POU6F2: variants seen among roughly 807,000 people sequenced by gnomAD.
POU6F2 encodes POU domain, class 6, transcription factor 2.
Under a neutral mutation model 71.3 loss-of-function variants are expected in POU6F2, and 31 were observed. The ratio of observed to expected loss-of-function variants is 0.43; its 90% CI spans 0.33 to 0.59. The LOEUF (loss-of-function observed/expected upper bound fraction) is 0.59, where lower values mean the gene tolerates loss of function less well. Among genes scored for constraint, POU6F2 ranks in the 20% least tolerant of loss-of-function variants. POU6F2 has a pLI of 0.04. For missense variants in POU6F2, 783 were observed against 856.8 expected, an observed-to-expected ratio of 0.91 and a Z score of 1.07; for synonymous variants, 347 against 355.7, an observed-to-expected ratio of 0.98 and a Z score of 0.27.
intron 6 of POU6F2, among the ~76,000 whole-genome samples, chr7:39,416,458 A>G (rs185255410): frequency 1.8e-4 from 27 of 152,288 alleles, no homozygotes; most frequent in African/African-American, 6.3e-4. Flanking sequence ...TATCCCAGTG[A>G]ATCTTCTGTT....
chr7:39,082,482 G>T (rs1791140788), intron 1 of POU6F2, among the ~76,000 whole-genome samples: 1 of 152,146 alleles, frequency 6.6e-6, no homozygotes, highest in Non-Finnish European at 1.5e-5. Context: ...GTTTACCGCT[G>T]CAGAGATCCT....
At chr7:39,412,935 G>A (rs1787584223) in intron 6 of POU6F2, among the ~76,000 whole-genome samples, 1 of 150,150 alleles carries the variant, frequency 6.7e-6, no homozygotes, top group African/African-American at 2.4e-5. Context: ...CAAGTAGCTG[G>A]GACTACAGGT....
intron 1 of POU6F2, among the ~76,000 whole-genome samples, chr7:39,026,889 A>G (rs1789818319): frequency 6.6e-6 from 1 of 152,260 alleles, no homozygotes; most frequent in South Asian, 2.1e-4. Context: ...GCAGGGCAGT[A>G]AGAAGATGGA....
chr7:39,396,995 C>T lies in POU6F2; in HGVS notation c.973-9605C>T, dbSNP rs542590048. On this transcript the variant is annotated intron_variant, in intron 5 of 9. Transcript: ENST00000518318. ...AAGCCCTCAGCCCAGCCCAGCCCCACCCAATTCCAGGCAAAGAATTTCTAG... is the reference window on the plus strand; with the variant it reads ...AAGCCCTCAGCCCAGCCCAGCCCCATCCAATTCCAGGCAAAGAATTTCTAG... Among the ~76,000 whole-genome samples, 12 of 152,168 alleles carry T rather than the reference C, an allele frequency of 7.9e-5. No individual in the cohort carries two copies. In the South Asian group the frequency reaches 2.5e-3, roughly 32 times the overall value.
chr7:39,311,633 G>A (rs935827600), intron 4 of POU6F2, among the ~76,000 whole-genome samples: 2 of 152,156 alleles, frequency 1.3e-5, no homozygotes, highest in African/African-American at 4.8e-5. Context: ...CATTAGACCA[G>A]GCAGAAATAA....
At chr7:39,092,951 G>T (rs1454174684) in intron 2 of POU6F2, among the ~76,000 whole-genome samples, 1 of 151,940 alleles carries the variant, frequency 6.6e-6, no homozygotes, top group Non-Finnish European at 1.5e-5. Context: ...ACCTAACCAA[G>T]ATGCATACCC....
intron 2 of POU6F2, among the ~76,000 whole-genome samples, chr7:39,111,347 G>A (rs1048398655): frequency 4.6e-5 from 7 of 152,110 alleles, no homozygotes; most frequent in Non-Finnish European, 1.0e-4. Context: ...TTTCTTGAGA[G>A]AAATTGTTTA....
chr7:39,058,550 C>T (rs1373881994), intron 1 of POU6F2, among the ~76,000 whole-genome samples: 1 of 152,284 alleles, frequency 6.6e-6, no homozygotes, highest in South Asian at 2.1e-4. Context: ...TTCCATCACT[C>T]TGCATTCTTG....
At chr7:39,401,567 T>G (rs149502707) in intron 5 of POU6F2, among the ~76,000 whole-genome samples, 2 of 152,320 alleles carry the variant, frequency 1.3e-5, no homozygotes, top group African/African-American at 4.8e-5. Context: ...AGTACTGATT[T>G]GGTTAGAAGA....
At chr7:39,418,409 G>C (rs191615863) in intron 6 of POU6F2, among the ~76,000 whole-genome samples, 1 of 152,150 alleles carries the variant, frequency 6.6e-6, no homozygotes, top group Non-Finnish European at 1.5e-5. Context: ...AGTTAAACAG[G>C]TCAGGCACGG....
chr7:39,129,465 G>T (rs1463366184), intron 2 of POU6F2, among the ~76,000 whole-genome samples: 4 of 152,112 alleles, frequency 2.6e-5, no homozygotes, highest in Non-Finnish European at 5.9e-5. Context: ...CCAAAGCTTT[G>T]CCCTCAGCTT....
At chr7:39,035,370 G>A (rs928146484) in intron 1 of POU6F2, among the ~76,000 whole-genome samples, 2 of 152,088 alleles carry the variant, frequency 1.3e-5, no homozygotes, top group Non-Finnish European at 2.9e-5. Context: ...TATGCTGTAT[G>A]TCATTTAGGG....
intron 1 of POU6F2, among the ~76,000 whole-genome samples, chr7:39,025,245 T>G (rs947548081): frequency 6.6e-6 from 1 of 152,164 alleles, no homozygotes; most frequent in Non-Finnish European, 1.5e-5. Context: ...AGAGTGTATG[T>G]GTCAGGGAAT....
intron 1 of POU6F2, among the ~76,000 whole-genome samples, chr7:38,994,674 T>A (rs547784632): frequency 1.3e-5 from 2 of 152,216 alleles, no homozygotes; most frequent in East Asian, 3.9e-4. Context: ...TGGCTCTGTT[T>A]TGTTTTCCCC....
chr7:39,023,662 A>G (rs926424908), intron 1 of POU6F2, among the ~76,000 whole-genome samples: 21 of 152,160 alleles, frequency 1.4e-4, no homozygotes, highest in Admixed American at 6.6e-4. Flanking sequence ...AAGTGTTCTT[A>G]TCAGAAAAGC....
intron 4 of POU6F2, among the ~76,000 whole-genome samples, chr7:39,279,163 A>G (rs1164321111): frequency 2.0e-5 from 3 of 151,830 alleles, no homozygotes; most frequent in Non-Finnish European, 2.9e-5. Flanking sequence ...CACTCATCCT[A>G]TACTCCAGTC....
At chr7:39,249,627 A>C (rs774061124) in intron 4 of POU6F2, among the ~76,000 whole-genome samples, 5 of 152,222 alleles carry the variant, frequency 3.3e-5, no homozygotes, top group Non-Finnish European at 5.9e-5. Context: ...TGACAGCTTT[A>C]CAGGACATAA....
At chr7:39,459,410 C>T (rs1445514990) in intron 8 of POU6F2, among the ~76,000 whole-genome samples, 1 of 152,108 alleles carries the variant, frequency 6.6e-6, no homozygotes, top group Non-Finnish European at 1.5e-5. Context: ...TTTAAAAGTC[C>T]TTGAAAATGG....
chr7:39,084,775 G>A (rs10254198), intron 1 of POU6F2, among the ~76,000 whole-genome samples: 10,862 of 151,910 alleles, frequency 0.072, 414 homozygotes, highest in Middle Eastern at 0.11. Context: ...GGAGCATGCC[G>A]CCCCACCTGC....
Sources: allele counts gnomAD v4.1 joint callset (sites outside exome capture counted in the v4.1 genomes callset), GRCh38; gene constraint gnomAD v4.1.1; transcripts MANE v1.5; gene names NCBI Gene and HGNC (gene_info 2026-07-23, HGNC 2026-07-21).